The following PIGU variants were observed in gnomAD, a reference collection of about 807,000 sequenced individuals.
PIGU encodes GPI-anchor transamidase component PIGU.
In PIGU, 24 loss-of-function variants were observed where a neutral mutation model predicts 49.9. That is an observed-to-expected ratio of 0.48 (90% CI 0.35 to 0.68). PIGU has a LOEUF of 0.68. Ranked by LOEUF, PIGU falls within the 30% of genes least tolerant of loss-of-function variation. The pLI, the probability that PIGU is intolerant of heterozygous loss-of-function variation, is 0.01. For synonymous variants in PIGU, 220 were observed against 205.7 expected, an observed-to-expected ratio of 1.07 and a Z score of -0.59; for missense variants, 490 against 532.6, an observed-to-expected ratio of 0.92 and a Z score of 0.79.
intron 8 of PIGU, among the ~76,000 whole-genome samples, chr20:34,587,399 TTTATGTGATG>T (rs1225563983): frequency 6.6e-6 from 1 of 152,182 alleles, no homozygotes; most frequent in Non-Finnish European, 1.5e-5. Flanking sequence ...TATGGGTGAT[TTTATGTGATG>T]TTATGATTTC....
At chr20:34,618,873 T>C (rs979234278) in intron 6 of PIGU, among the ~76,000 whole-genome samples, 17 of 152,344 alleles carry the variant, frequency 1.1e-4, no homozygotes, top group Admixed American at 9.8e-4. Context: ...GTTTTACCCC[T>C]CTGCTAATCC....
At chr20:34,658,983 T>A (rs1364658409) in intron 1 of PIGU, among the ~76,000 whole-genome samples, 22 of 143,078 alleles carry the variant, frequency 1.5e-4, no homozygotes, top group Non-Finnish European at 2.7e-4. Context: ...AGCCGCCCCG[T>A]CCGGGAGGTG....
rs138953469 is a variant in PIGU, at chr20:34,563,089, A to G, written c.1195-2110T>C. Among the ~76,000 whole-genome samples, 464 of 152,286 alleles carry G rather than the reference A, an allele frequency of 3.0e-3. 2 individuals carry two copies. Among genetic ancestry groups the G allele is most frequent in the African/African-American group, 0.011 (446 of 41,578 alleles). ...ATGAAATTGCCAGTTTTGCAGATAA[A>G]AAAATGGTTGAATACTGGCAATTTC... On this transcript the variant is annotated intron_variant, in intron 11 of 11. Transcript: ENST00000217446.
At chr20:34,669,666 G>GGA (rs569223060) in intron 1 of PIGU, among the ~76,000 whole-genome samples, 2 of 124,000 alleles carry the variant, frequency 1.6e-5, no homozygotes, top group South Asian at 2.6e-4. Flanking sequence ...GACTCTGGCT[G>GGA]AAAAAAAAAA....
intron 1 of PIGU, among the ~76,000 whole-genome samples, chr20:34,670,738 T>C (rs375368411): frequency 1.8e-4 from 27 of 152,046 alleles, no homozygotes; most frequent in Middle Eastern, 3.4e-3. Flanking sequence ...GAGGTGGGGT[T>C]TCACCATGTT....
At chr20:34,663,420 C>T (rs921973443) in intron 1 of PIGU, among the ~76,000 whole-genome samples, 2 of 151,632 alleles carry the variant, frequency 1.3e-5, no homozygotes, top group East Asian at 3.9e-4. Flanking sequence ...AAAGCTGCAG[C>T]GAGTCATGAT....
chr20:34,640,902 T>TA (rs373305750), intron 4 of PIGU, among the ~76,000 whole-genome samples: 1 of 152,078 alleles, frequency 6.6e-6, no homozygotes, highest in African/African-American at 2.4e-5. Flanking sequence ...ATAAAGGGCT[T>TA]TATTTTCTTG....
intron 7 of PIGU, among the ~76,000 whole-genome samples, chr20:34,601,937 A>G (rs571422254): frequency 3.3e-5 from 5 of 152,244 alleles, no homozygotes; most frequent in Admixed American, 3.3e-4. Context: ...GTGAGATTTC[A>G]TCTTACCTCT....
intron 7 of PIGU, among the ~76,000 whole-genome samples, chr20:34,610,051 G>A (rs190260858): frequency 6.6e-6 from 1 of 152,224 alleles, no homozygotes; most frequent in Admixed American, 6.5e-5. Flanking sequence ...GTGGAACTGT[G>A]AGTCAATTAA....
chr20:34,589,847 G>C (rs1983882977), intron 7 of PIGU, among the ~76,000 whole-genome samples: 1 of 151,156 alleles, frequency 6.6e-6, no homozygotes. Flanking sequence ...GTAGAGACAG[G>C]GTTTCACCAT....
intron 6 of PIGU, among the ~76,000 whole-genome samples, chr20:34,631,247 G>T (rs1016728109): frequency 1.3e-5 from 2 of 151,902 alleles, no homozygotes; most frequent in African/African-American, 4.8e-5. Context: ...ACAAGGAAAT[G>T]TCCCAGAAAA....
chr20:34,602,562 A>C (rs1200473513), intron 7 of PIGU, among the ~76,000 whole-genome samples: 1 of 152,160 alleles, frequency 6.6e-6, no homozygotes, highest in African/African-American at 2.4e-5. Flanking sequence ...GTGCCACAGC[A>C]CTCCAGCCTG....
intron 9 of PIGU, 111 bp from the exon 10 acceptor site, chr20:34,581,783 A>G: frequency 7.3e-7 from 1 of 1,370,770 alleles, no homozygotes; most frequent in African/African-American, 1.4e-5. Flanking sequence ...GGACTTCAGG[A>G]AGGGGCTGGC....
chr20:34,631,072 A>C (rs1243312810), intron 6 of PIGU, among the ~76,000 whole-genome samples: 4 of 152,214 alleles, frequency 2.6e-5, no homozygotes, highest in Admixed American at 1.3e-4. Flanking sequence ...GCTTGGAACA[A>C]ATAGAAACTG....
intron 11 of PIGU, among the ~76,000 whole-genome samples, chr20:34,566,353 ACCCTCTCAGCGCTG>A (rs1419016543): frequency 1.3e-5 from 2 of 152,088 alleles, no homozygotes; most frequent in Non-Finnish European, 2.9e-5. Flanking sequence ...GCTGGTCTGT[ACCCTCTCAGCGCTG>A]CCCCCAGGGA....
chr20:34,628,252 G>A (rs990885846), intron 6 of PIGU, among the ~76,000 whole-genome samples: 1 of 152,132 alleles, frequency 6.6e-6, no homozygotes, highest in African/African-American at 2.4e-5. Flanking sequence ...GGAGGTAGAG[G>A]TGGGAGGACA....
At chr20:34,616,275 C>A in intron 6 of PIGU, 136 bp from the exon 7 acceptor site, 2 of 926,876 alleles carry the variant, frequency 2.2e-6, no homozygotes, top group Non-Finnish European at 1.5e-6. Context: ...ACACAAGGTG[C>A]TATGCAAATT....
Position 34,562,627 on chromosome 20 carries a change from T to C in PIGU, c.1195-1648A>G, listed in dbSNP as rs1004899730. The C allele has an allele frequency of 1.2e-5, 15 of 1,231,838 alleles. No individual in the cohort carries two copies. The African/African-American group carries it at 2.2e-4, about 18-fold the overall frequency. The allele number at this position is 1,231,838 out of a possible 1,614,324, so 76.3% of individuals were successfully genotyped here. On this transcript the variant is annotated intron_variant, in intron 11 of 11. Coordinates refer to ENST00000217446, the MANE Select transcript of PIGU (RefSeq NM_080476.5). Reference sequence around the variant, plus strand: ...GGAAACTGAGACTCAAAGGGTTCAATGGTTGGCCTAAGGCTACACCTGGAG... The same window carrying C: ...GGAAACTGAGACTCAAAGGGTTCAACGGTTGGCCTAAGGCTACACCTGGAG...
At chr20:34,602,269 A>G (rs554583270) in intron 7 of PIGU, among the ~76,000 whole-genome samples, 3 of 152,086 alleles carry the variant, frequency 2.0e-5, no homozygotes, top group African/African-American at 7.2e-5. Flanking sequence ...GCAACAGAGC[A>G]AGACTCCATC....
Sources: allele counts gnomAD v4.1 joint callset (sites outside exome capture counted in the v4.1 genomes callset), GRCh38; gene constraint gnomAD v4.1.1; transcripts MANE v1.5; gene names NCBI Gene and HGNC (gene_info 2026-07-23, HGNC 2026-07-21).